The following CNKSR2 variants were observed in gnomAD, a reference collection of about 807,000 sequenced individuals.
The protein encoded by CNKSR2 is connector enhancer of kinase suppressor of Ras 2.
A neutral mutation model predicts 84.4 loss-of-function variants in CNKSR2; 14 were observed. The observed-to-expected ratio is 0.17, with a 90% CI of 0.11 to 0.26. CNKSR2 has a LOEUF of 0.26. Ranked by LOEUF, CNKSR2 falls within the 10% of genes least tolerant of loss-of-function variation. CNKSR2 has a pLI of 1.00. For missense variants in CNKSR2, 485 were observed against 771.2 expected (o/e 0.63, Z 4.40); for synonymous variants, 275 against 277.9 (o/e 0.99, Z 0.10).
intron 7 of CNKSR2, among the ~76,000 whole-genome samples, 155 bp downstream of exon 7, chrX:21,498,001 T>C (rs760248628): frequency 2.1e-4 from 23 of 111,807 alleles, no homozygotes; most frequent in African/African-American, 7.5e-4. Context: ...GTAGCATTCA[T>C]TCTGTTCAAA....
intron 9 of CNKSR2, among the ~76,000 whole-genome samples, chrX:21,524,918 G>A (rs1222804639): frequency 1.8e-5 from 2 of 111,434 alleles, no homozygotes; most frequent in African/African-American, 6.5e-5. Flanking sequence ...AAAGCATACT[G>A]AATATTAGTT....
intron 5 of CNKSR2, among the ~76,000 whole-genome samples, chrX:21,488,568 T>C (rs1319604048): frequency 9.0e-6 from 1 of 111,608 alleles, no homozygotes; most frequent in Non-Finnish European, 1.9e-5. Flanking sequence ...AAGTACAGAC[T>C]TGAGAAGCAG....
At chrX:21,466,097 G>T (rs747832077) in intron 4 of CNKSR2, among the ~76,000 whole-genome samples, 1 of 111,844 alleles carries the variant, frequency 8.9e-6, no homozygotes, top group East Asian at 2.8e-4. Flanking sequence ...GGAAAAAGAA[G>T]AAATGAATTT....
chrX:21,377,336 TTC>T (rs763574180), intron 1 of CNKSR2, among the ~76,000 whole-genome samples: 12 of 112,484 alleles, frequency 1.1e-4, no homozygotes, highest in South Asian at 3.7e-4. Flanking sequence ...ACCTTAATTT[TTC>T]TCTCTTTGCC....
At chrX:21,444,070 CTTAAG>C (rs1201593134) in intron 4 of CNKSR2, among the ~76,000 whole-genome samples, 1 of 110,951 alleles carries the variant, frequency 9.0e-6, no homozygotes, top group African/African-American at 3.3e-5. Context: ...TCTGTTTTAT[CTTAAG>C]TTGTTAATTG....
chrX:21,582,799 T>C (rs1369845891), intron 13 of CNKSR2, among the ~76,000 whole-genome samples: 6 of 111,846 alleles, frequency 5.4e-5, no homozygotes, highest in Non-Finnish European at 3.8e-5. Context: ...TATTGATTCA[T>C]GTTAGCCTTC....
Position 21,470,757 on chromosome X carries a change from T to G in CNKSR2, c.520-9T>G, listed in dbSNP as rs757113487. 2.2e-5 allele frequency: 21 copies of G among 966,866 alleles called. No homozygotes were observed. Among genetic ancestry groups the G allele is most frequent in the Non-Finnish European group, 3.0e-5 (21 of 708,080 alleles). 79.7% of individuals were successfully genotyped at this position (966,866 alleles called of 1,213,427 possible). ...TTTGAATCTAATGTATATGGTTCTTTTTTTTCAGGATTGTACTGTATATGA... is the reference window on the plus strand; with the variant it reads ...TTTGAATCTAATGTATATGGTTCTTGTTTTTCAGGATTGTACTGTATATGA... On this transcript the variant is annotated splice_polypyrimidine_tract_variant and intron_variant, in intron 4 of 21. Coordinates refer to ENST00000379510, the MANE Select transcript of CNKSR2 (RefSeq NM_014927.5).
intron 9 of CNKSR2, among the ~76,000 whole-genome samples, chrX:21,520,219 G>A (rs1460031397): frequency 1.8e-5 from 2 of 111,139 alleles, no homozygotes; most frequent in Admixed American, 9.6e-5. Flanking sequence ...GTGATAGAAC[G>A]TAAGGACTTA....
At chrX:21,395,937 C>T (rs1008469150) in intron 1 of CNKSR2, among the ~76,000 whole-genome samples, 1 of 111,640 alleles carries the variant, frequency 9.0e-6, no homozygotes, top group Non-Finnish European at 1.9e-5. Flanking sequence ...GATTTGAATG[C>T]CCACAGATCT....
chrX:21,519,560 A>C (rs998617412), intron 9 of CNKSR2, among the ~76,000 whole-genome samples: 1 of 110,873 alleles, frequency 9.0e-6, no homozygotes, highest in Non-Finnish European at 1.9e-5. Flanking sequence ...AATACACTGG[A>C]GCCAAAATGC....
intron 4 of CNKSR2, among the ~76,000 whole-genome samples, chrX:21,449,984 C>A (rs2090906174): frequency 8.9e-6 from 1 of 111,875 alleles, no homozygotes; most frequent in Non-Finnish European, 1.9e-5. Flanking sequence ...TCCAGTATAA[C>A]ATTATACTAG....
intron 17 of CNKSR2, among the ~76,000 whole-genome samples, chrX:21,600,505 G>T (rs999302768): frequency 1.8e-5 from 2 of 112,002 alleles, no homozygotes; most frequent in African/African-American, 6.5e-5. Flanking sequence ...TTAAAGACTT[G>T]TGATTAGATA....
chrX:21,400,190 A>G (rs997649617), intron 1 of CNKSR2, among the ~76,000 whole-genome samples: 1 of 111,322 alleles, frequency 9.0e-6, no homozygotes, highest in South Asian at 3.8e-4. Context: ...AGGCATTCCA[A>G]TTTAATTTCA....
Position 21,532,026 on chromosome X carries a change from G to T in CNKSR2, c.1262G>T (p.Arg421Ile). 1.7e-6 allele frequency: 2 copies of T among 1,204,398 alleles called. No individual in the cohort carries two copies. Among genetic ancestry groups the T allele is most frequent in the African/African-American group, 3.5e-5 (2 of 57,490 alleles). The change falls in exon 11 of 22, where the codon AGA becomes ATA. Residue 421 changes from arginine (R) to isoleucine (I), a missense_variant. Coordinates refer to ENST00000379510, the MANE Select transcript of CNKSR2 (RefSeq NM_014927.5). ...VLYCYEYEKG[R>I]SSSQGRREST... ...TATTGCTATGAATATGAAAAAGGAA[G>T]ATCAAGTAGTCAAGGAAGACGAGAA...
intron 1 of CNKSR2, among the ~76,000 whole-genome samples, chrX:21,420,377 C>G (rs984060473): frequency 8.9e-6 from 1 of 112,526 alleles, no homozygotes; most frequent in African/African-American, 3.2e-5. Context: ...CCCCAAGAAC[C>G]TGCTTTGTTC....
At chrX:21,494,470 A>G (rs2091472749) in intron 6 of CNKSR2, 1 of 112,216 alleles carries the variant, frequency 8.9e-6, no homozygotes, top group Non-Finnish European at 1.9e-5. Context: ...ATTGCAAAGG[A>G]AAAAGAATAT....
At chrX:21,567,463 C>G (rs902688862) in intron 13 of CNKSR2, among the ~76,000 whole-genome samples, 13 of 111,398 alleles carry the variant, frequency 1.2e-4, no homozygotes, top group Non-Finnish European at 1.1e-4. Context: ...GTGTCTTCAA[C>G]CTGCAAACAT....
At chrX:21,632,073 T>C (rs2092650614) in intron 20 of CNKSR2, among the ~76,000 whole-genome samples, 1 of 112,492 alleles carries the variant, frequency 8.9e-6, no homozygotes, top group African/African-American at 3.2e-5. Flanking sequence ...TTATTACTTT[T>C]ATCCCATATG....
chrX:21,561,985 G>A (rs1270779299), intron 12 of CNKSR2, among the ~76,000 whole-genome samples: 1 of 108,842 alleles, frequency 9.2e-6, no homozygotes, highest in Non-Finnish European at 1.9e-5. Flanking sequence ...AAAAGCTAAT[G>A]GAAACTGGGC....
Sources: allele counts gnomAD v4.1 joint callset (sites outside exome capture counted in the v4.1 genomes callset), GRCh38; gene constraint gnomAD v4.1.1; transcripts MANE v1.5; gene names NCBI Gene and HGNC (gene_info 2026-07-23, HGNC 2026-07-21).